MYO1E: variants seen among roughly 807,000 people sequenced by gnomAD.
The protein encoded by MYO1E is unconventional myosin-Ie.
MYO1E carries 68 observed loss-of-function variants against 151.1 expected under a neutral mutation model. That is an observed-to-expected ratio of 0.45 (90% CI 0.37 to 0.55). MYO1E has a LOEUF of 0.55. Among genes scored for constraint, MYO1E ranks in the 20% least tolerant of loss-of-function variants. The probability of loss-of-function intolerance (pLI) is 0.00; values close to 1 mark genes in which losing one functional copy is unlikely to be tolerated. For missense variants in MYO1E, 1,363 were observed against 1,389.3 expected (o/e 0.98, Z 0.30); for synonymous variants, 601 against 501.7 (o/e 1.20, Z -2.64).
chr15:59,189,437 C>T (rs546248495), intron 17 of MYO1E, among the ~76,000 whole-genome samples: 3 of 151,450 alleles, frequency 2.0e-5, no homozygotes, highest in Non-Finnish European at 4.4e-5. Flanking sequence ...TTCTTTCTTT[C>T]GAGACAGAGT....
chr15:59,177,112 C>T (rs1328795376), intron 19 of MYO1E, among the ~76,000 whole-genome samples: 3 of 152,190 alleles, frequency 2.0e-5, no homozygotes, highest in Non-Finnish European at 4.4e-5. Flanking sequence ...TAAATCACTC[C>T]ATCCCATTTT....
intron 23 of MYO1E, 26 bp downstream of exon 23, chr15:59,163,131 A>T (rs1280095216): frequency 1.2e-6 from 2 of 1,613,500 alleles, no homozygotes; most frequent in Non-Finnish European, 1.7e-6. Context: ...TACACGCAGA[A>T]GTCTGGGTCC....
chr15:59,337,192 G>C (rs2080734505), intron 1 of MYO1E, among the ~76,000 whole-genome samples: 1 of 152,116 alleles, frequency 6.6e-6, no homozygotes, highest in Admixed American at 6.5e-5. Flanking sequence ...AAAATGGAGG[G>C]AACTGATTAA....
chr15:59,297,774 G>A lies in MYO1E; in HGVS notation c.4-25325C>T, dbSNP rs7179581. Among the ~76,000 whole-genome samples the A allele has an allele frequency of 8.3e-3, 1,268 of 151,940 alleles. 9 individuals are homozygous for A. Among genetic ancestry groups the A allele is most frequent in the African/African-American group, 0.029 (1,220 of 41,416 alleles). On this transcript the variant is annotated intron_variant, in intron 1 of 27. Transcript: ENST00000288235. ...TTTTTTGAATTTTAGTACAGATGAG[G>A]TCTCACTATGTTGCCCGGGTTGGTC...
intron 5 of MYO1E, among the ~76,000 whole-genome samples, chr15:59,234,233 G>GGTGC (rs1566987652): frequency 6.8e-6 from 1 of 147,778 alleles, no homozygotes; most frequent in Non-Finnish European, 1.5e-5. Flanking sequence ...TGGATGGATG[G>GGTGC]ATGGATGGAT....
rs1451850669 is a variant in MYO1E, at chr15:59,132,587, G to A, written c.*4793C>T. ...AAATGTCATAAATGGGAAATGAGTG[G>A]CAGAAGTAGAAACCATATCATAAAA... On this transcript the variant is annotated 3_prime_UTR_variant, in exon 28 of 28. Coordinates refer to ENST00000288235, the MANE Select transcript of MYO1E (RefSeq NM_004998.4). 6.6e-6 allele frequency: 1 copy of A among 152,204 alleles called. No homozygotes were observed. The highest frequency in any genetic ancestry group is 1.5e-5 in the Non-Finnish European group (1 of 68,046). The allele number at this position is 152,204 out of a possible 1,614,324, so 9.4% of individuals were successfully genotyped here. A position where few individuals can be genotyped will look rare whatever the true frequency, so the allele number is the denominator to read the frequency against.
chr15:59,343,607 T>C (rs1484969347), intron 1 of MYO1E, among the ~76,000 whole-genome samples: 1 of 152,192 alleles, frequency 6.6e-6, no homozygotes, highest in African/African-American at 2.4e-5. Flanking sequence ...ATTATCTCTC[T>C]CTCTCTACCT....
intron 12 of MYO1E, 54 bp from the exon 13 acceptor site, chr15:59,210,654 C>T: frequency 7.8e-7 from 1 of 1,274,998 alleles, no homozygotes; most frequent in South Asian, 1.2e-5. Context: ...AAGAGCTCTG[C>T]ACGGACAGAC....
chr15:59,205,123 A>T lies in MYO1E; in HGVS notation c.1616+277T>A, dbSNP rs187010065. ...AGCATGAAGGAACAAAATGCTAACC[A>T]CTAAACATCACAGGTGTTTTGTTTT... is the stretch of plus-strand genomic sequence containing the variant. On this transcript the variant is annotated intron_variant, in intron 15 of 27. Transcript: ENST00000288235. 3.4e-4 allele frequency among the ~76,000 whole-genome samples: 52 copies of T among 152,320 alleles called. No homozygotes were observed. In the South Asian group the frequency reaches 6.8e-3, roughly 20 times the overall value.
intron 18 of MYO1E, among the ~76,000 whole-genome samples, chr15:59,179,703 G>A (rs1372318236): frequency 1.3e-5 from 2 of 152,188 alleles, no homozygotes; most frequent in Non-Finnish European, 1.5e-5. Context: ...TGATGGCACT[G>A]TAAAAAAGCC....
intron 25 of MYO1E, 65 bp from the exon 26 acceptor site, chr15:59,153,856 C>T: frequency 2.7e-6 from 4 of 1,465,086 alleles, no homozygotes; most frequent in Admixed American, 1.7e-5. Context: ...AAAGTCTCTC[C>T]ACATTTCTTC....
chr15:59,219,581 A>G (rs1485652404), intron 9 of MYO1E, among the ~76,000 whole-genome samples: 1 of 152,252 alleles, frequency 6.6e-6, no homozygotes, highest in Admixed American at 6.5e-5. Context: ...ATGCCAGAAC[A>G]AGACATTTAT....
rs1321427280 is a variant in MYO1E at position 59,307,303 on chromosome 15, T to C, written c.4-34854A>G. On this transcript the variant is annotated intron_variant, in intron 1 of 27. Coordinates refer to ENST00000288235, the MANE Select transcript of MYO1E (RefSeq NM_004998.4). ...CTACCTCACCAGATCCCTCAGCAGC[T>C]GCACCAACACCCTGGGCCCGGGGAG... 2.6e-5 allele frequency among the ~76,000 whole-genome samples: 4 copies of C among 152,294 alleles called. No individual in the cohort carries two copies. The East Asian group carries it at 7.7e-4, about 29-fold the overall frequency.
chr15:59,274,312 C>T (rs938366189), intron 1 of MYO1E, among the ~76,000 whole-genome samples: 69 of 152,236 alleles, frequency 4.5e-4, no homozygotes, highest in African/African-American at 1.6e-3. Context: ...GACCTCACCA[C>T]TCCTTCTTCC....
chr15:59,239,180 T>C (rs1474660895), intron 4 of MYO1E, among the ~76,000 whole-genome samples: 1 of 151,070 alleles, frequency 6.6e-6, no homozygotes, highest in African/African-American at 2.4e-5. Context: ...CACTCCATCC[T>C]GGGCAACAAG....
At chr15:59,330,927 G>A (rs545149016) in intron 1 of MYO1E, among the ~76,000 whole-genome samples, 5 of 152,050 alleles carry the variant, frequency 3.3e-5, no homozygotes, top group Middle Eastern at 3.4e-3. Context: ...GCACCATCAC[G>A]CCCAGCTAAC....
At chr15:59,323,508 T>C (rs1374215575) in intron 1 of MYO1E, among the ~76,000 whole-genome samples, 2 of 150,910 alleles carry the variant, frequency 1.3e-5, no homozygotes, top group Non-Finnish European at 3.0e-5. Context: ...CACAAAAAAA[T>C]AGCCAGGCAC....
At chr15:59,258,951 C>G (rs2080209728) in intron 3 of MYO1E, among the ~76,000 whole-genome samples, 1 of 151,032 alleles carries the variant, frequency 6.6e-6, no homozygotes, top group South Asian at 2.1e-4. Context: ...ATTCCCCTCT[C>G]TTGTTTTTTT....
chr15:59,263,510 C>T (rs533505534), intron 2 of MYO1E, among the ~76,000 whole-genome samples: 2 of 152,210 alleles, frequency 1.3e-5, no homozygotes, highest in East Asian at 1.9e-4. Context: ...GTTATTACTA[C>T]TTAATACAAA....
Sources: gnomAD v4.1 joint callset for allele counts (sites outside exome capture counted in the v4.1 genomes callset) on GRCh38, gnomAD v4.1.1 for gene constraint, MANE v1.5 for transcripts, NCBI Gene and HGNC (gene_info 2026-07-23, HGNC 2026-07-21) for gene names.